The following TBXAS1 variants were observed in gnomAD, a reference collection of about 807,000 sequenced individuals.
TBXAS1 encodes the protein thromboxane A synthase 1.
A neutral mutation model predicts 60.7 loss-of-function variants in TBXAS1; 48 were observed. The observed-to-expected ratio is 0.79, with a 90% CI of 0.63 to 1.01. TBXAS1 has a LOEUF of 1.01. Among genes scored for constraint, TBXAS1 ranks in the 50% least tolerant of loss-of-function variants. TBXAS1 has a pLI of 0.00. For synonymous variants in TBXAS1, 287 were observed against 269.7 expected (o/e 1.06, Z -0.63); for missense variants, 685 against 686.3 (o/e 1.00, Z 0.02).
chr7:139,951,032 CAAT>C (rs1023646565), intron 5 of TBXAS1, among the ~76,000 whole-genome samples: 18 of 152,180 alleles, frequency 1.2e-4, no homozygotes, highest in Admixed American at 9.2e-4. Flanking sequence ...AACATCCTGT[CAAT>C]AGCCGGCCAG....
At chr7:139,823,692 A>G (rs1028140058) in intron 4 of TBXAS1, among the ~76,000 whole-genome samples, 1 of 152,144 alleles carries the variant, frequency 6.6e-6, no homozygotes, top group Non-Finnish European at 1.5e-5. Flanking sequence ...ATTTAGTGGG[A>G]AAAAAACACT....
At chr7:139,925,945 T>A (rs1260212036) in intron 4 of TBXAS1, among the ~76,000 whole-genome samples, 1 of 152,198 alleles carries the variant, frequency 6.6e-6, no homozygotes, top group East Asian at 1.9e-4. Context: ...ATTGATTGAT[T>A]TGTATATGTT....
chr7:139,838,261 T>C (rs1050385414), intron 1 of TBXAS1, among the ~76,000 whole-genome samples: 2 of 152,214 alleles, frequency 1.3e-5, no homozygotes, highest in Admixed American at 6.5e-5. Flanking sequence ...CTCAGGGAAG[T>C]GTTTTCTGTT....
chr7:139,939,370 C>CAAAAAAAAAAAAAAAAAAAAAAAA (rs61551753), intron 5 of TBXAS1, among the ~76,000 whole-genome samples: 1 of 48,838 alleles, frequency 2.0e-5, no homozygotes, highest in Non-Finnish European at 3.4e-5. Flanking sequence ...GACTCCATCT[C>CAAAAAAAAAAAAAAAAAAAAAAAA]AAAAAAAAAA....
rs740150 is a variant in TBXAS1 at position 139,975,711 on chromosome 7, T to C, written c.1134+13478T>C. Among the ~76,000 whole-genome samples the C allele has an allele frequency of 0.23, 34,377 of 152,094 alleles. 4,016 individuals carry two copies. Among genetic ancestry groups the C allele is most frequent in the Middle Eastern group, 0.41 (121 of 294 alleles). ...GCTCTGAGCCCTGAGGATAATAAGTTTCCCTCGAAGGTCCTGGGTTTGTTG... is the reference window on the plus strand; with the variant it reads ...GCTCTGAGCCCTGAGGATAATAAGTCTCCCTCGAAGGTCCTGGGTTTGTTG... On this transcript the variant is annotated intron_variant, in intron 9 of 12. Transcript: ENST00000448866. This position sits in a 1 kb window ranked among gnomAD's most constrained non-coding sequence, Gnocchi z 4.4.
At chr7:139,898,413 C>CTTGTTTTT (rs1804279257) in intron 3 of TBXAS1, among the ~76,000 whole-genome samples, 1 of 82,222 alleles carries the variant, frequency 1.2e-5, no homozygotes, top group Non-Finnish European at 2.2e-5. Context: ...ACGTGCATGG[C>CTTGTTTTT]TTTTTTTTTT....
chr7:139,811,228 T>A (rs1569493346), intron 4 of TBXAS1, among the ~76,000 whole-genome samples: 1 of 152,254 alleles, frequency 6.6e-6, no homozygotes, highest in Non-Finnish European at 1.5e-5. Flanking sequence ...ATATATACTC[T>A]GCACATACAG....
chr7:139,824,747 A>T (rs900641442), upstream of TBXAS1, among the ~76,000 whole-genome samples: 1 of 152,084 alleles, frequency 6.6e-6, no homozygotes, highest in African/African-American at 2.4e-5. Flanking sequence ...AGAGTTTGTC[A>T]GTGGGAGTTG....
intron 10 of TBXAS1, among the ~76,000 whole-genome samples, chr7:140,010,226 T>A (rs1814505484): frequency 6.6e-6 from 1 of 152,126 alleles, no homozygotes; most frequent in Non-Finnish European, 1.5e-5. Flanking sequence ...CAGAGGACAA[T>A]CTGCTTCTGC....
chr7:140,016,110 C>T (rs1057498166), intron 11 of TBXAS1, among the ~76,000 whole-genome samples: 3 of 152,194 alleles, frequency 2.0e-5, no homozygotes, highest in South Asian at 2.1e-4. Flanking sequence ...GGGCAGATCA[C>T]GAGGTCAGGA....
At chr7:140,017,379 G>A (rs578249318) in intron 11 of TBXAS1, among the ~76,000 whole-genome samples, 69 of 152,334 alleles carry the variant, frequency 4.5e-4, no homozygotes, top group Non-Finnish European at 7.3e-4. Context: ...GATTGTGGGT[G>A]GCGGTGAGTC....
intron 9 of TBXAS1, among the ~76,000 whole-genome samples, chr7:139,982,193 C>A (rs1812024148): frequency 6.6e-6 from 1 of 152,200 alleles, no homozygotes; most frequent in African/African-American, 2.4e-5. Flanking sequence ...AAAAGTTAAT[C>A]TTATTGTATA....
intron 3 of TBXAS1, among the ~76,000 whole-genome samples, chr7:139,879,528 C>T (rs1438512018): frequency 6.6e-6 from 1 of 152,028 alleles, no homozygotes; most frequent in Non-Finnish European, 1.5e-5. Context: ...ATTTATATTC[C>T]TTCCCAAACT....
chr7:139,846,748 G>T (rs1799833654), intron 1 of TBXAS1, among the ~76,000 whole-genome samples: 1 of 152,166 alleles, frequency 6.6e-6, no homozygotes, highest in Non-Finnish European at 1.5e-5. Flanking sequence ...GGTAGCTTTT[G>T]ACCTTGAACA....
chr7:139,995,817 C>T (rs540863099), intron 9 of TBXAS1, among the ~76,000 whole-genome samples: 10 of 152,234 alleles, frequency 6.6e-5, no homozygotes, highest in East Asian at 5.8e-4. Context: ...GGTGATGATG[C>T]GCTCCTGCCT....
intron 10 of TBXAS1, among the ~76,000 whole-genome samples, chr7:140,015,176 C>A (rs111883367): frequency 2.6e-5 from 4 of 152,190 alleles, no homozygotes; most frequent in African/African-American, 9.6e-5. Context: ...ATCAGATGTA[C>A]CCATAAATAT....
intron 4 of TBXAS1, among the ~76,000 whole-genome samples, chr7:139,932,544 A>T (rs1457399346): frequency 6.6e-6 from 1 of 152,196 alleles, no homozygotes; most frequent in Non-Finnish European, 1.5e-5. Context: ...GTCACAAAAA[A>T]AAAAACAAAA....
intron 9 of TBXAS1, among the ~76,000 whole-genome samples, chr7:139,990,785 A>G (rs1474843013): frequency 2.0e-5 from 3 of 150,072 alleles, no homozygotes; most frequent in African/African-American, 7.4e-5. Flanking sequence ...TGGGCCTACG[A>G]TCCTGCAAAA....
intron 1 of TBXAS1, among the ~76,000 whole-genome samples, chr7:139,842,926 G>T (rs922805315): frequency 5.9e-5 from 9 of 152,188 alleles, no homozygotes; most frequent in East Asian, 1.9e-4. Flanking sequence ...TGTCAGAGAT[G>T]ATCTGAAAGC....
Sources: allele counts gnomAD v4.1 joint callset (sites outside exome capture counted in the v4.1 genomes callset), GRCh38; gene constraint gnomAD v4.1.1; non-coding constraint Gnocchi (gnomAD v3.1); transcripts MANE v1.5; gene names NCBI Gene and HGNC (gene_info 2026-07-23, HGNC 2026-07-21).